Variants in ROBO2 observed in about 807,000 individuals in gnomAD.
The protein encoded by ROBO2 is roundabout homolog 2.
Under a neutral mutation model 160.8 loss-of-function variants are expected in ROBO2, and 53 were observed. The ratio of observed to expected loss-of-function variants is 0.33; its 90% confidence interval spans 0.26 to 0.41. The LOEUF (loss-of-function observed/expected upper bound fraction) is 0.41. Among genes scored for constraint, ROBO2 ranks in the 10% least tolerant of loss-of-function variants. ROBO2 has a pLI of 1.00. For synonymous variants in ROBO2, 664 were observed against 611.7 expected, an observed-to-expected ratio of 1.09 and a Z score of -1.26; for missense variants, 1,577 against 1,722.4, an observed-to-expected ratio of 0.92 and a Z score of 1.49.
chr3:77,356,240 T>A (rs1200199312), intron 2 of ROBO2, among the ~76,000 whole-genome samples: 1 of 152,108 alleles, frequency 6.6e-6, no homozygotes, highest in East Asian at 1.9e-4. Context: ...AGTTCTATGT[T>A]AAATGAAAAA....
chr3:76,229,288 G>A (rs1440987627), intron 2 of ROBO2, among the ~76,000 whole-genome samples: 2 of 151,664 alleles, frequency 1.3e-5, no homozygotes, highest in East Asian at 1.9e-4. Flanking sequence ...ATATTTTATT[G>A]TAAGTAAATT....
At chr3:76,454,580 A>T (rs1225201851) in intron 2 of ROBO2, among the ~76,000 whole-genome samples, 1 of 152,124 alleles carries the variant, frequency 6.6e-6, no homozygotes, top group Non-Finnish European at 1.5e-5. Context: ...ATGAACAACT[A>T]TTTAACTTCC....
At chr3:76,156,310 G>A (rs1463473711) in intron 2 of ROBO2, among the ~76,000 whole-genome samples, 1 of 151,832 alleles carries the variant, frequency 6.6e-6, no homozygotes, top group Non-Finnish European at 1.5e-5. Context: ...GAAAAAAAAA[G>A]CATTTCAAAG....
chr3:76,247,714 A>C (rs1359631119), intron 2 of ROBO2, among the ~76,000 whole-genome samples: 1 of 152,134 alleles, frequency 6.6e-6, no homozygotes, highest in East Asian at 1.9e-4. Context: ...TTCCTTAAGA[A>C]ATTCTTGAGA....
chr3:76,999,311 C>T (rs909628828), intron 2 of ROBO2, among the ~76,000 whole-genome samples: 1 of 152,014 alleles, frequency 6.6e-6, no homozygotes, highest in African/African-American at 2.4e-5. Context: ...TAAGAGAGGG[C>T]ACTCAAGGTT....
chr3:77,425,155 G>T (rs116341431), intron 2 of ROBO2, among the ~76,000 whole-genome samples: 1 of 150,034 alleles, frequency 6.7e-6, no homozygotes, highest in East Asian at 2.0e-4. Flanking sequence ...TTCTCACTAC[G>T]TGCCCAGCAG....
chr3:76,740,628 A>G (rs1036956228), intron 2 of ROBO2, among the ~76,000 whole-genome samples: 7 of 152,150 alleles, frequency 4.6e-5, no homozygotes, highest in Non-Finnish European at 8.8e-5. Flanking sequence ...AATTATCATG[A>G]CAGTGACATT....
chr3:77,541,453 G>A (rs968938871), intron 6 of ROBO2, among the ~76,000 whole-genome samples: 1 of 152,200 alleles, frequency 6.6e-6, no homozygotes, highest in African/African-American at 2.4e-5. Flanking sequence ...CAGTATCAAA[G>A]CATCATTTAG....
chr3:76,881,421 C>T (rs2073327405), intron 2 of ROBO2, among the ~76,000 whole-genome samples: 1 of 152,104 alleles, frequency 6.6e-6, no homozygotes, highest in Non-Finnish European at 1.5e-5. Context: ...GCGTTTTAAA[C>T]TTAGAAAAGT....
intron 2 of ROBO2, among the ~76,000 whole-genome samples, chr3:76,619,503 G>A (rs2088886889): frequency 6.6e-6 from 1 of 152,122 alleles, no homozygotes; most frequent in African/African-American, 2.4e-5. Flanking sequence ...CAGTTTGATA[G>A]AGCCACTATT....
intron 2 of ROBO2, among the ~76,000 whole-genome samples, chr3:76,904,090 A>G (rs967772731): frequency 1.3e-5 from 2 of 152,236 alleles, no homozygotes; most frequent in African/African-American, 2.4e-5. Flanking sequence ...CATAAAATTT[A>G]TCAATCTCCT....
At chr3:77,189,295 T>C (rs574602806) in intron 2 of ROBO2, among the ~76,000 whole-genome samples, 30 of 151,994 alleles carry the variant, frequency 2.0e-4, no homozygotes, top group Non-Finnish European at 3.2e-4. Context: ...TTGAAGATTA[T>C]ATGGAAACTG....
chr3:76,639,390 A>G (rs1441501829), intron 2 of ROBO2, among the ~76,000 whole-genome samples: 1 of 151,876 alleles, frequency 6.6e-6, no homozygotes, highest in Non-Finnish European at 1.5e-5. Context: ...ATGTGTGTGT[A>G]AATATATATA....
At position 76,530,944 on chromosome 3, in the gene ROBO2, T is replaced by C. The variant is rs551418907; in HGVS notation, c.110-567070T>C. ...TCGGAAAAGTCTCTACTTCCCACGCTTGTATCCCCCACATGTATGTGCTAC... is the reference window on the plus strand; with the variant it reads ...TCGGAAAAGTCTCTACTTCCCACGCCTGTATCCCCCACATGTATGTGCTAC... On this transcript the variant is annotated intron_variant, in intron 2 of 26. Transcript: ENST00000487694. 2.0e-3 allele frequency among the ~76,000 whole-genome samples: 303 copies of C among 152,322 alleles called. 3 individuals are homozygous for C. The highest frequency in any genetic ancestry group is 1.9e-3 in the South Asian group (9 of 4,826).
chr3:76,555,430 G>GAAGAAGAAAGAA (rs1156538887), intron 2 of ROBO2, among the ~76,000 whole-genome samples: 1 of 67,968 alleles, frequency 1.5e-5, no homozygotes, highest in East Asian at 6.5e-4. Context: ...AGAAGGAGAA[G>GAAGAAGAAAGAA]GGGAAGGGGA....
intron 2 of ROBO2, among the ~76,000 whole-genome samples, chr3:76,012,420 G>A (rs764375240): frequency 3.3e-5 from 5 of 152,030 alleles, no homozygotes; most frequent in East Asian, 1.9e-4. Flanking sequence ...TTTGGCTCAC[G>A]CACAACTAAA....
rs139679696 is a variant in ROBO2 at position 76,591,263 on chromosome 3, G to A, written c.110-506751G>A. 4.4e-3 allele frequency among the ~76,000 whole-genome samples: 669 copies of A among 152,182 alleles called. 7 individuals carry two copies. The highest frequency in any genetic ancestry group is 0.015 in the African/African-American group (635 of 41,556). ...AGAAAACATACTTACTATTCATTAA[G>A]GGGAAGCGGATCCTCATAAAGGACT... is the stretch of plus-strand genomic sequence containing the variant. On this transcript the variant is annotated intron_variant, in intron 2 of 26. Coordinates refer to the ROBO2 transcript ENST00000487694.
intron 1 of ROBO2, among the ~76,000 whole-genome samples, chr3:77,072,310 A>G (rs749150986): frequency 6.6e-6 from 1 of 152,128 alleles, no homozygotes; most frequent in African/African-American, 2.4e-5. Flanking sequence ...ATATATTACA[A>G]TGTAATAATA....
At chr3:77,137,069 C>T (rs1454282924) in intron 2 of ROBO2, among the ~76,000 whole-genome samples, 1 of 152,200 alleles carries the variant, frequency 6.6e-6, no homozygotes, top group Non-Finnish European at 1.5e-5. Flanking sequence ...CGGGTGTGAG[C>T]CTCTGCATCC....
Sources: gnomAD v4.1 joint callset for allele counts (sites outside exome capture counted in the v4.1 genomes callset) on GRCh38, gnomAD v4.1.1 for gene constraint, MANE v1.5 for transcripts, NCBI Gene and HGNC (gene_info 2026-07-23, HGNC 2026-07-21) for gene names.